QKI: variants seen among roughly 807,000 people sequenced by gnomAD.
QKI encodes the protein QKI, KH domain containing RNA binding.
A neutral mutation model predicts 39.0 loss-of-function variants in QKI; 10 were observed. The observed-to-expected ratio is 0.26, with a 90% CI of 0.16 to 0.43. The LOEUF (loss-of-function observed/expected upper bound fraction) is 0.43, where lower values mean the gene tolerates loss of function less well. Ranked by LOEUF, QKI falls within the 20% of genes least tolerant of loss-of-function variation. The pLI, the probability that QKI is intolerant of heterozygous loss-of-function variation, is 1.00. For synonymous variants in QKI, 204 were observed against 155.4 expected, an observed-to-expected ratio of 1.31 and a Z score of -2.33; for missense variants, 218 against 428.0, an observed-to-expected ratio of 0.51 and a Z score of 4.33.
chr6:163,559,625 T>C (rs921381563), intron 4 of QKI, among the ~76,000 whole-genome samples: 6 of 152,182 alleles, frequency 3.9e-5, no homozygotes, highest in African/African-American at 1.4e-4. Flanking sequence ...TTCTGCAAAG[T>C]AGGTTTTTAA....
chr6:163,567,772 C>G (rs1783455229), intron 7 of QKI: 1 of 984,852 alleles, frequency 1.0e-6, no homozygotes, highest in Non-Finnish European at 1.2e-6. Context: ...TTGTTTCCTA[C>G]AAATTAAATT....
chr6:163,491,426 C>G (rs1778046890), intron 3 of QKI, among the ~76,000 whole-genome samples: 1 of 152,150 alleles, frequency 6.6e-6, no homozygotes, highest in African/African-American at 2.4e-5. Context: ...AACTAGCTCC[C>G]TGGTGTCCCT....
chr6:163,511,880 A>G (rs1481239219), intron 3 of QKI, among the ~76,000 whole-genome samples: 1 of 152,106 alleles, frequency 6.6e-6, no homozygotes. Context: ...CTGTGATACT[A>G]AAATTCAACA....
intron 3 of QKI, among the ~76,000 whole-genome samples, chr6:163,483,169 AT>A (rs1262899565): frequency 2.6e-5 from 4 of 152,250 alleles, no homozygotes; most frequent in African/African-American, 9.6e-5. Flanking sequence ...TGTCTAAAAA[AT>A]ATACATACCT....
intron 1 of QKI, among the ~76,000 whole-genome samples, chr6:163,433,100 GCTT>G (rs938369155): frequency 7.9e-5 from 12 of 152,084 alleles, no homozygotes; most frequent in Non-Finnish European, 7.4e-5. Flanking sequence ...GGCACAAGAG[GCTT>G]CTTTTTACAT....
At chr6:163,517,873 T>C (rs1176300781) in intron 3 of QKI, among the ~76,000 whole-genome samples, 1 of 152,148 alleles carries the variant, frequency 6.6e-6, no homozygotes, top group Non-Finnish European at 1.5e-5. Context: ...TAAATTTAGG[T>C]GTTATTAGAT....
chr6:163,426,871 G>C (rs1290404653), intron 1 of QKI, among the ~76,000 whole-genome samples: 1 of 152,092 alleles, frequency 6.6e-6, no homozygotes, highest in Non-Finnish European at 1.5e-5. Context: ...AATCATCTTT[G>C]TAGACTCATG....
intron 1 of QKI, among the ~76,000 whole-genome samples, chr6:163,423,891 C>G (rs903173758): frequency 2.6e-5 from 4 of 152,146 alleles, no homozygotes; most frequent in Admixed American, 2.0e-4. Flanking sequence ...CTAAGTGATT[C>G]AAGTTAGGAA....
intron 3 of QKI, among the ~76,000 whole-genome samples, chr6:163,481,871 A>C (rs1343314498): frequency 6.6e-6 from 1 of 152,154 alleles, no homozygotes; most frequent in African/African-American, 2.4e-5. Flanking sequence ...GCCAAAGGTC[A>C]CACGCCAAAA....
chr6:163,564,293 CAT>C, intron 6 of QKI: 1 of 1,002,902 alleles, frequency 1.0e-6, no homozygotes, highest in Non-Finnish European at 1.2e-6. Context: ...TGGTGTACAT[CAT>C]AGAGTGTACT....
At chr6:163,521,356 A>G (rs934803359) in intron 3 of QKI, among the ~76,000 whole-genome samples, 2 of 152,176 alleles carry the variant, frequency 1.3e-5, no homozygotes, top group African/African-American at 4.8e-5. Flanking sequence ...AGATATTTAA[A>G]TGTGTTAAAC....
At chr6:163,535,829 G>A (rs2128241496) in intron 4 of QKI, among the ~76,000 whole-genome samples, 1 of 152,288 alleles carries the variant, frequency 6.6e-6, no homozygotes, top group South Asian at 2.1e-4. Flanking sequence ...CTACTTGGGA[G>A]GCTGAGGCAT....
intron 1 of QKI, among the ~76,000 whole-genome samples, chr6:163,447,177 C>G (rs964539167): frequency 4.9e-5 from 7 of 141,894 alleles, no homozygotes; most frequent in Non-Finnish European, 9.3e-5. Flanking sequence ...GGTCCAGTTT[C>G]TTTTATTTTT....
intron 3 of QKI, among the ~76,000 whole-genome samples, chr6:163,482,636 T>C: frequency 6.7e-6 from 1 of 148,698 alleles, no homozygotes; most frequent in Admixed American, 6.7e-5. Context: ...ACTTTACTTA[T>C]TTATTATAAA....
chr6:163,528,392 G>T (rs1213652901), intron 3 of QKI, among the ~76,000 whole-genome samples: 1 of 152,114 alleles, frequency 6.6e-6, no homozygotes, highest in Non-Finnish European at 1.5e-5. Flanking sequence ...GTGATATGTT[G>T]TGCTAGGAAT....
Position 163,478,848 on chromosome 6 carries a change from A to C in QKI, c.354A>C (p.Gly118=). 6.2e-7 allele frequency: 1 copy of C among 1,613,866 alleles called. No homozygotes were observed. The highest frequency in any genetic ancestry group is 1.3e-5 in the African/African-American group (1 of 74,980). ...LTAKQLEAET[G]CKIMVRGKGS... ...CCAAACAACTTGAAGCAGAAACCGG[A>C]TGTAAAATCATGGTCCGAGGCAAAG... The change falls in exon 3 of 8, where the codon GGA becomes GGC. Residue 118 remains glycine (G), a synonymous_variant. Coordinates refer to ENST00000361752, the MANE Select transcript of QKI (RefSeq NM_006775.3).
intron 1 of QKI, 80 bp downstream of exon 1, chr6:163,415,415 C>A: frequency 4.3e-6 from 4 of 920,468 alleles, no homozygotes; most frequent in Non-Finnish European, 6.1e-6. Flanking sequence ...GTGGGGAGGG[C>A]GGGAAGGTCA....
intron 7 of QKI, chr6:163,568,046 CAAAA>C: frequency 1.0e-6 from 1 of 985,358 alleles, no homozygotes; most frequent in African/African-American, 1.7e-5. Context: ...GTTCAGTGAA[CAAAA>C]TAGACCCCAG....
intron 4 of QKI, among the ~76,000 whole-genome samples, chr6:163,555,488 C>T (rs949292540): frequency 3.3e-5 from 4 of 120,776 alleles, no homozygotes; most frequent in East Asian, 2.5e-4. Context: ...TGAAGCCTAG[C>T]GACAGAGCGA....
Sources: allele counts gnomAD v4.1 joint callset (sites outside exome capture counted in the v4.1 genomes callset), GRCh38; gene constraint gnomAD v4.1.1; transcripts MANE v1.5; gene names NCBI Gene and HGNC (gene_info 2026-07-23, HGNC 2026-07-21).